The following PSMD14 variants were observed in gnomAD, a reference collection of about 807,000 sequenced individuals.
PSMD14 encodes proteasome 26S subunit, non-ATPase 14, also known as ubiquitin C-terminal hydrolase PSMD14.
In PSMD14, 7 loss-of-function variants were observed where a neutral mutation model predicts 41.2. That is an observed-to-expected ratio of 0.17 (90% CI 0.10 to 0.32). PSMD14 has a LOEUF of 0.32. PSMD14 is among the 10% of genes least tolerant of loss of function. The pLI, the probability that PSMD14 is intolerant of heterozygous loss-of-function variation, is 1.00. For missense variants in PSMD14, 139 were observed against 375.6 expected (o/e 0.37, Z 5.21); for synonymous variants, 114 against 122.3 (o/e 0.93, Z 0.45).
intron 3 of PSMD14, among the ~76,000 whole-genome samples, chr2:161,321,393 G>C (rs527884221): frequency 1.3e-5 from 2 of 152,076 alleles, no homozygotes; most frequent in East Asian, 3.9e-4. Flanking sequence ...TGATCTATAC[G>C]AATAACCCAA....
rs71281822 is a variant in PSMD14, at chr2:161,357,076, C to CTTTTTTTTTTTTTTTTTTTTTTTT, written c.49-10390_49-10389insTTTTTTTTTTTTTTTTTTTTTTTT. Among the ~76,000 whole-genome samples, 103 of 124,132 alleles carry CTTTTTTTTTTTTTTTTTTTTTTTT rather than the reference C, an allele frequency of 8.3e-4. 9 individuals are homozygous for CTTTTTTTTTTTTTTTTTTTTTTTT. Among genetic ancestry groups the CTTTTTTTTTTTTTTTTTTTTTTTT allele is most frequent in the South Asian group, 3.8e-3 (14 of 3,714 alleles). The allele number at this position is 124,132 out of a possible 152,430, so 81.4% of individuals were successfully genotyped here. A position where few individuals can be genotyped will look rare whatever the true frequency, so the allele number is the denominator to read the frequency against. On this transcript the variant is annotated intron_variant, in intron 3 of 11. Transcript: ENST00000409682. ...TTTATGCTGTTATAATGGCAAATGC[C>CTTTTTTTTTTTTTTTTTTTTTTTT]TTTTTTTTTTTTAGCACTTAGTCAA... is the stretch of plus-strand genomic sequence containing the variant.
chr2:161,348,671 C>T (rs1683078229), intron 3 of PSMD14, among the ~76,000 whole-genome samples: 1 of 152,034 alleles, frequency 6.6e-6, no homozygotes, highest in Non-Finnish European at 1.5e-5. Flanking sequence ...TTTGTGTATA[C>T]TTATGTAGTA....
intron 5 of PSMD14, 35 bp from the exon 6 acceptor site, chr2:161,370,072 C>CA: frequency 6.8e-7 from 1 of 1,464,948 alleles, no homozygotes; most frequent in South Asian, 1.3e-5. Context: ...TCCAAATTTA[C>CA]AAAAATTAAT....
intron 3 of PSMD14, among the ~76,000 whole-genome samples, chr2:161,358,977 A>C (rs531697217): frequency 6.6e-6 from 1 of 152,238 alleles, no homozygotes; most frequent in South Asian, 2.1e-4. Flanking sequence ...TTGTTTATTC[A>C]GTTCTTTTTC....
intron 10 of PSMD14, among the ~76,000 whole-genome samples, chr2:161,401,075 C>T (rs2105270777): frequency 6.6e-6 from 1 of 152,188 alleles, no homozygotes; most frequent in East Asian, 1.9e-4. Context: ...TGTTGCCTGC[C>T]ATTTCAGACA....
chr2:161,372,613 A>G (rs1204927840), intron 7 of PSMD14, among the ~76,000 whole-genome samples: 3 of 151,884 alleles, frequency 2.0e-5, no homozygotes, highest in African/African-American at 4.8e-5. Flanking sequence ...CTATATGCCT[A>G]TATTTCAATT....
intron 10 of PSMD14, among the ~76,000 whole-genome samples, chr2:161,404,794 A>G (rs1285668420): frequency 2.0e-5 from 3 of 152,104 alleles, no homozygotes; most frequent in African/African-American, 2.4e-5. Flanking sequence ...TTCCATGGCC[A>G]TACATTCCCG....
chr2:161,395,811 C>T (rs1322584973), intron 10 of PSMD14, among the ~76,000 whole-genome samples: 1 of 152,080 alleles, frequency 6.6e-6, no homozygotes, highest in Non-Finnish European at 1.5e-5. Context: ...GAAAATGGAT[C>T]CTTGCTTTAT....
chr2:161,334,694 G>A (rs998215386), intron 3 of PSMD14, among the ~76,000 whole-genome samples: 1 of 152,182 alleles, frequency 6.6e-6, no homozygotes, highest in Admixed American at 6.5e-5. Context: ...TTTGACCACT[G>A]CCACTTTTTC....
intron 3 of PSMD14, among the ~76,000 whole-genome samples, chr2:161,332,176 C>T (rs1428351214): frequency 6.6e-6 from 1 of 152,150 alleles, no homozygotes; most frequent in Non-Finnish European, 1.5e-5. Flanking sequence ...ATACTTGGCC[C>T]ATGTTTTAAG....
chr2:161,312,223 A>G (rs1381793433), intron 1 of PSMD14, among the ~76,000 whole-genome samples: 1 of 150,552 alleles, frequency 6.6e-6, no homozygotes, highest in Non-Finnish European at 1.5e-5. Flanking sequence ...GGCTCACTGT[A>G]ACTTCCACCT....
chr2:161,338,147 GC>G (rs1682895014), intron 3 of PSMD14, among the ~76,000 whole-genome samples: 1 of 152,202 alleles, frequency 6.6e-6, no homozygotes, highest in Admixed American at 6.5e-5. Context: ...GAGTTGTAGA[GC>G]CCTTGATGAA....
intron 8 of PSMD14, among the ~76,000 whole-genome samples, chr2:161,389,926 TGCTA>T: frequency 7.2e-6 from 1 of 139,358 alleles, no homozygotes; most frequent in African/African-American, 2.7e-5. Flanking sequence ...GATGGGGTAT[TGCTA>T]TGTTGTCCAG....
At chr2:161,330,822 AAAT>A (rs1471567365) in intron 3 of PSMD14, among the ~76,000 whole-genome samples, 19 of 152,332 alleles carry the variant, frequency 1.2e-4, no homozygotes, top group Admixed American at 3.3e-4. Flanking sequence ...TAAATAATAA[AAAT>A]AATAAAAATT....
intron 3 of PSMD14, among the ~76,000 whole-genome samples, chr2:161,333,271 A>G (rs752610813): frequency 2.0e-5 from 3 of 152,216 alleles, no homozygotes; most frequent in Admixed American, 6.5e-5. Context: ...ATGCCTGTGC[A>G]TGTGATTAGA....
At chr2:161,372,774 G>C (rs775488378) in intron 7 of PSMD14, among the ~76,000 whole-genome samples, 1 of 151,822 alleles carries the variant, frequency 6.6e-6, no homozygotes, top group Non-Finnish European at 1.5e-5. Context: ...TAACTCGTAA[G>C]TAATTCATTT....
chr2:161,338,697 T>C (rs2105240329), intron 3 of PSMD14, among the ~76,000 whole-genome samples: 1 of 152,310 alleles, frequency 6.6e-6, no homozygotes, highest in Non-Finnish European at 1.5e-5. Context: ...ATTTAAAGTG[T>C]ATAATTTGTT....
At chr2:161,384,768 C>T (rs1405237236) in intron 7 of PSMD14, 4 of 151,756 alleles carry the variant, frequency 2.6e-5, no homozygotes, top group African/African-American at 9.7e-5. Flanking sequence ...TATTTCTGTA[C>T]ACACAAAAAG....
At chr2:161,341,088 A>G (rs1479311593) in intron 3 of PSMD14, 75 of 1,517,246 alleles carry the variant, frequency 4.9e-5, no homozygotes, top group Non-Finnish European at 6.5e-5. Flanking sequence ...GAGCTCCCCC[A>G]GCCCCGCGGG....
Sources: gnomAD v4.1 joint callset for allele counts (sites outside exome capture counted in the v4.1 genomes callset) on GRCh38, gnomAD v4.1.1 for gene constraint, MANE v1.5 for transcripts, NCBI Gene and HGNC (gene_info 2026-07-23, HGNC 2026-07-21) for gene names.